The following MFSD11 variants were observed in gnomAD, a reference collection of about 807,000 sequenced individuals.
MFSD11 encodes UNC93-like protein MFSD11.
MFSD11 carries 36 observed loss-of-function variants against 53.5 expected under a neutral mutation model. The observed-to-expected ratio is 0.67, with a 90% confidence interval of 0.52 to 0.89. The LOEUF (loss-of-function observed/expected upper bound fraction) is 0.89. Among genes scored for constraint, MFSD11 ranks in the 40% least tolerant of loss-of-function variants. The pLI, the probability that MFSD11 is intolerant of heterozygous loss-of-function variation, is 0.00. For synonymous variants in MFSD11, 186 were observed against 184.9 expected (o/e 1.01, Z -0.05); for missense variants, 530 against 543.9 (o/e 0.97, Z 0.25).
At chr17:76,762,656 C>CAAAA (rs35436399) in intron 8 of MFSD11, among the ~76,000 whole-genome samples, 5 of 76,148 alleles carry the variant, frequency 6.6e-5, no homozygotes, top group Non-Finnish European at 1.4e-4. Context: ...ACTCCGTCTC[C>CAAAA]AAAAAAAAAA....
At chr17:76,770,214 A>G (rs1451299254) in intron 10 of MFSD11, among the ~76,000 whole-genome samples, 2 of 150,820 alleles carry the variant, frequency 1.3e-5, no homozygotes, top group African/African-American at 4.9e-5. Flanking sequence ...ATTTTTTTGT[A>G]TTTTTAGTAG....
At chr17:76,743,747 G>C (rs2078303353) in intron 6 of MFSD11, among the ~76,000 whole-genome samples, 1 of 152,108 alleles carries the variant, frequency 6.6e-6, no homozygotes, top group African/African-American at 2.4e-5. Context: ...CTCCCAAGTA[G>C]CTGGGATTAC....
chr17:76,772,837 T>C (rs1487674154), intron 10 of MFSD11, among the ~76,000 whole-genome samples: 1 of 152,110 alleles, frequency 6.6e-6, no homozygotes, highest in African/African-American at 2.4e-5. Flanking sequence ...ATTTTTGAGC[T>C]TTGTTCTTAG....
intron 7 of MFSD11, among the ~76,000 whole-genome samples, chr17:76,751,356 C>CGGG: frequency 6.6e-6 from 1 of 150,630 alleles, no homozygotes; most frequent in Non-Finnish European, 1.5e-5. Flanking sequence ...TGCCACTGCA[C>CGGG]TCCAGTCTGG....
chr17:76,768,131 C>G (rs2081034108), intron 9 of MFSD11, among the ~76,000 whole-genome samples: 1 of 151,874 alleles, frequency 6.6e-6, no homozygotes, highest in Admixed American at 6.6e-5. Flanking sequence ...GGCAAAACCC[C>G]ATCTCTACTA....
intron 9 of MFSD11, 149 bp from the exon 10 acceptor site, chr17:76,769,597 T>G: frequency 1.8e-6 from 1 of 564,274 alleles, no homozygotes; most frequent in African/African-American, 1.9e-5. Flanking sequence ...TTACATCACA[T>G]TATGCTCTGC....
At chr17:76,748,391 CTCTG>C (rs1473830682) in intron 7 of MFSD11, among the ~76,000 whole-genome samples, 8 of 152,126 alleles carry the variant, frequency 5.3e-5, no homozygotes, top group African/African-American at 1.9e-4. Flanking sequence ...AAAGAGACAG[CTCTG>C]TCTGTCTTCT....
chr17:76,781,119 G>A (rs1247702046), downstream of MFSD11: 1 of 152,224 alleles, frequency 6.6e-6, no homozygotes, highest in Non-Finnish European at 1.5e-5. Context: ...GTCTCTGCAG[G>A]CTGCAGTGAA....
At chr17:76,777,540 T>G (rs2144946612) in intron 12 of MFSD11, among the ~76,000 whole-genome samples, 2 of 152,262 alleles carry the variant, frequency 1.3e-5, no homozygotes, top group East Asian at 3.9e-4. Context: ...GGCTATATTG[T>G]GTTTCTTATT....
At chr17:76,785,677 G>C (rs1214707578), downstream of MFSD11, among the ~76,000 whole-genome samples, 2 of 152,126 alleles carry the variant, frequency 1.3e-5, no homozygotes, top group Non-Finnish European at 2.9e-5. Flanking sequence ...TGTGCAAGAT[G>C]AGTTCTGGAG....
At chr17:76,755,712 G>GTA (rs2079493921) in intron 8 of MFSD11, among the ~76,000 whole-genome samples, 1 of 134,100 alleles carries the variant, frequency 7.5e-6, no homozygotes, top group Admixed American at 7.9e-5. Flanking sequence ...ATATATATGT[G>GTA]TATATATATG....
upstream of MFSD11, chr17:76,737,436 G>C (rs144979972): frequency 5.3e-6 from 2 of 380,644 alleles, no homozygotes; most frequent in Non-Finnish European, 9.5e-6. Flanking sequence ...GCCCCGCTTC[G>C]TAACGACCCT....
At chr17:76,771,341 A>G (rs1451952104) in intron 10 of MFSD11, among the ~76,000 whole-genome samples, 1 of 152,246 alleles carries the variant, frequency 6.6e-6, no homozygotes, top group Non-Finnish European at 1.5e-5. Context: ...AGCAAAGACC[A>G]AATATGTATT....
At chr17:76,737,137 G>C (rs745923097), upstream of MFSD11, 4 of 1,593,636 alleles carry the variant, frequency 2.5e-6, no homozygotes, top group South Asian at 3.4e-5. Context: ...CCTCCACATC[G>C]GGAGGGGGGC....
chr17:76,737,357 G>T (rs370097238), upstream of MFSD11: 85 of 649,690 alleles, frequency 1.3e-4, no homozygotes, highest in Middle Eastern at 4.5e-4. Context: ...CTCTGCGCCC[G>T]TTTATATCGC....
At chr17:76,778,140 AGT>A in intron 12 of MFSD11, 46 bp from the exon 13 acceptor site, 1 of 1,606,336 alleles carries the variant, frequency 6.2e-7, no homozygotes, top group Non-Finnish European at 8.5e-7. Flanking sequence ...ACTGTGGCTC[AGT>A]GTGGCCCCCG....
rs1052619193 is a variant in MFSD11, at chr17:76,776,989, G to T, written c.1185+448G>T. 1.3e-5 allele frequency among the ~76,000 whole-genome samples: 2 copies of T among 151,454 alleles called. No homozygotes were observed. The highest frequency in any genetic ancestry group is 6.6e-5 in the Admixed American group (1 of 15,188). Reference sequence around the variant, plus strand: ...TTTATTTTTTTTTAAAGACAAAGTCGGCCCGCCGCGGCTCACACTTGTAAT... The same window carrying T: ...TTTATTTTTTTTTAAAGACAAAGTCTGCCCGCCGCGGCTCACACTTGTAAT... On this transcript the variant is annotated intron_variant, in intron 12 of 12. Coordinates refer to ENST00000685175, the MANE Select transcript of MFSD11 (RefSeq NM_001242532.5). The surrounding 1 kb of genome is among the most constrained non-coding windows in gnomAD (Gnocchi z 4.2).
rs527926353 is a variant in MFSD11, at chr17:76,747,581, C to T, written c.641+3115C>T. On this transcript the variant is annotated intron_variant, in intron 7 of 12. Coordinates refer to ENST00000685175, the MANE Select transcript of MFSD11 (RefSeq NM_001242532.5). ...AACTCCTGACCTCGTGATCCACCCG[C>T]CTTGGCCTCCCAAAGTGCTGGGATT... Among the ~76,000 whole-genome samples the T allele has an allele frequency of 8.2e-4, 125 of 152,182 alleles. No individual in the cohort carries two copies. The South Asian group carries it at 0.013, about 16-fold the overall frequency.
chr17:76,756,203 A>G (rs948143750), intron 8 of MFSD11, among the ~76,000 whole-genome samples: 10 of 149,908 alleles, frequency 6.7e-5, no homozygotes, highest in African/African-American at 2.2e-4. Context: ...GCTCACTGCA[A>G]CCTCTGCCTC....
Sources: gnomAD v4.1 joint callset for allele counts (sites outside exome capture counted in the v4.1 genomes callset) on GRCh38, gnomAD v4.1.1 for gene constraint, Gnocchi (gnomAD v3.1) non-coding constraint, MANE v1.5 for transcripts, NCBI Gene and HGNC (gene_info 2026-07-23, HGNC 2026-07-21) for gene names.